The following TNKS2 variants were observed in gnomAD, a reference collection of about 807,000 sequenced individuals.
TNKS2 encodes tankyrase 2.
Under a neutral mutation model 137.6 loss-of-function variants are expected in TNKS2, and 72 were observed. That is an observed-to-expected ratio of 0.52 (90% CI 0.43 to 0.64). TNKS2 has a LOEUF of 0.64. TNKS2 is among the 30% of genes least tolerant of loss of function. The probability of loss-of-function intolerance (pLI) is 0.00; values close to 1 mark genes in which losing one functional copy is unlikely to be tolerated. For synonymous variants in TNKS2, 516 were observed against 512.1 expected (o/e 1.01, Z -0.10); for missense variants, 1,049 against 1,410.2 (o/e 0.74, Z 4.10).
chr10:91,858,512 G>A lies in TNKS2; in HGVS notation c.3095-950G>A, dbSNP rs1169615457. Among the ~76,000 whole-genome samples, 3 of 152,198 alleles carry A rather than the reference G, an allele frequency of 2.0e-5. 1 individual carries two copies. The highest frequency in any genetic ancestry group is 4.1e-4 in the South Asian group (2 of 4,830). On this transcript the variant is annotated intron_variant, in intron 24 of 26. Transcript: ENST00000371627. ...TCCTGTCTGTCTGTGGAAAGGGAATGTGATCTTGATAAATGAATTAGCTGT... is the reference window on the plus strand; with the variant it reads ...TCCTGTCTGTCTGTGGAAAGGGAATATGATCTTGATAAATGAATTAGCTGT...
chr10:91,859,747 C>T lies in TNKS2; in HGVS notation c.3281+99C>T. 4.4e-6 allele frequency: 4 copies of T among 900,826 alleles called. No homozygotes were observed. In the South Asian group the frequency reaches 8.4e-5, roughly 19 times the overall value. The allele number at this position is 900,826 out of a possible 1,614,324, so 55.8% of individuals were successfully genotyped here. A position where few individuals can be genotyped will look rare whatever the true frequency, so the allele number is the denominator to read the frequency against. The stretch of plus-strand genomic sequence containing the variant: ...ATTATGTTGGACAGTCTTAGGAATG[C>T]AAGCTAGGCATGTTTTAGATTGCTT... On this transcript the variant is annotated intron_variant, in intron 25 of 26. Coordinates refer to ENST00000371627, the MANE Select transcript of TNKS2 (RefSeq NM_025235.4).
intron 25 of TNKS2, 63 bp downstream of exon 25, chr10:91,859,711 G>C (rs1842803010): frequency 7.2e-7 from 1 of 1,397,792 alleles, no homozygotes; most frequent in Non-Finnish European, 9.9e-7. Flanking sequence ...TTGCATTTTT[G>C]AGGGCAAAGC....
intron 16 of TNKS2, 39 bp downstream of exon 16, chr10:91,842,430 T>A (rs377631307): frequency 1.5e-5 from 23 of 1,571,954 alleles, no homozygotes; most frequent in Non-Finnish European, 1.9e-5. Context: ...GCTGGTAATA[T>A]CTGAGATTCA....
chr10:91,840,430 GT>G (rs1369927450), intron 13 of TNKS2, 130 bp from the exon 14 acceptor site: 2 of 780,968 alleles, frequency 2.6e-6, no homozygotes, highest in African/African-American at 1.8e-5. Flanking sequence ...ATACTAAATA[GT>G]TTCTGAGAAT....
chr10:91,822,784 C>T (rs1295675622), intron 7 of TNKS2, among the ~76,000 whole-genome samples: 2 of 152,078 alleles, frequency 1.3e-5, no homozygotes, highest in Non-Finnish European at 2.9e-5. Context: ...TCTTGAACTC[C>T]TGACCTCAAG....
At chr10:91,805,661 C>T (rs572710920) in intron 1 of TNKS2, among the ~76,000 whole-genome samples, 4 of 152,300 alleles carry the variant, frequency 2.6e-5, no homozygotes, top group African/African-American at 9.6e-5. Flanking sequence ...GGGAGTTAAC[C>T]TGTGAGTCAC....
At chr10:91,810,259 T>G (rs1844454020) in intron 1 of TNKS2, among the ~76,000 whole-genome samples, 1 of 151,774 alleles carries the variant, frequency 6.6e-6, no homozygotes, top group Non-Finnish European at 1.5e-5. Flanking sequence ...ACACCTGTAG[T>G]CCCAGCTACT....
intron 7 of TNKS2, among the ~76,000 whole-genome samples, chr10:91,823,283 A>G (rs1346990335): frequency 6.6e-6 from 1 of 150,588 alleles, no homozygotes; most frequent in East Asian, 2.0e-4. Context: ...TCCCAAGACT[A>G]GCAAGAAACT....
At chr10:91,821,281 C>T (rs75336739) in intron 6 of TNKS2, among the ~76,000 whole-genome samples, 16,432 of 151,962 alleles carry the variant, frequency 0.11, 980 homozygotes, top group East Asian at 0.19. Flanking sequence ...GATCACCTGG[C>T]TCGGCCTCCC....
intron 18 of TNKS2, among the ~76,000 whole-genome samples, chr10:91,846,694 A>G (rs1287730562): frequency 2.0e-5 from 3 of 152,352 alleles, no homozygotes; most frequent in East Asian, 1.9e-4. Context: ...CCACATTACA[A>G]TAAGAAACTG....
At chr10:91,854,934 T>G in intron 21 of TNKS2, 95 bp from the exon 22 acceptor site, 1 of 606,266 alleles carries the variant, frequency 1.6e-6, no homozygotes, top group South Asian at 2.2e-5. Context: ...AAAAAATTGG[T>G]AGTAAGAATC....
chr10:91,825,892 C>T (rs2421698), intron 7 of TNKS2, among the ~76,000 whole-genome samples: 27,525 of 152,106 alleles, frequency 0.18, 3,572 homozygotes, highest in African/African-American at 0.36. Context: ...GCATAAAGTG[C>T]GATAGCCACA....
At chr10:91,812,915 A>T in intron 1 of TNKS2, 68 bp from the exon 2 acceptor site, 1 of 1,563,178 alleles carries the variant, frequency 6.4e-7, no homozygotes, top group Non-Finnish European at 8.7e-7. Context: ...TTTAGTATGG[A>T]TGGTACTTAT....
intron 1 of TNKS2, among the ~76,000 whole-genome samples, chr10:91,802,121 T>C (rs1470441904): frequency 6.6e-6 from 1 of 152,214 alleles, no homozygotes; most frequent in East Asian, 1.9e-4. Context: ...TAGTATGTTA[T>C]GTTACTGTTA....
At chr10:91,819,439 C>A in intron 4 of TNKS2, 43 bp from the exon 5 acceptor site, 2 of 1,496,966 alleles carry the variant, frequency 1.3e-6, no homozygotes, top group Non-Finnish European at 1.8e-6. Context: ...TGAGGAACAT[C>A]TGATGAAGAA....
rs1376070138 is a variant in TNKS2, at chr10:91,817,223, C to T, written c.514C>T (p.Leu172Phe). The T allele has an allele frequency of 6.2e-7, 1 of 1,611,940 alleles. No homozygotes were observed. The highest frequency in any genetic ancestry group is 8.5e-7 in the Non-Finnish European group (1 of 1,178,690). Residue 172 changes from leucine (L) to phenylalanine (F), a missense_variant, in exon 3 of 27, where the codon CTT becomes TTT. Physicochemically the swap from Leu to Phe is conservative, Grantham distance 22. Around this residue, in one of 6 missense-constraint regions of TNKS2, gnomAD observed 374 missense variants for 460.8 expected, o/e 0.81. Transcript: ENST00000371627. ...AGCAGATCCATCTGCCAAAGCAGTG[C>T]TTACTGGTAAGTCTGTATACTCTGG... is the stretch of plus-strand genomic sequence containing the variant. ...DLADPSAKAV[L>F]TGEYKKDELL...
intron 1 of TNKS2, among the ~76,000 whole-genome samples, chr10:91,811,067 G>C (rs954257800): frequency 6.6e-6 from 1 of 150,550 alleles, no homozygotes; most frequent in Non-Finnish European, 1.5e-5. Context: ...TGGGATTACA[G>C]GCACGCGCCA....
intron 9 of TNKS2, 118 bp downstream of exon 9, chr10:91,828,524 C>G (rs1589666219): frequency 9.4e-7 from 1 of 1,067,166 alleles, no homozygotes; most frequent in East Asian, 3.1e-5. Flanking sequence ...AAAATTACTG[C>G]CTATGCAAAT....
chr10:91,838,258 G>A (rs1842094387), intron 13 of TNKS2, among the ~76,000 whole-genome samples: 1 of 151,972 alleles, frequency 6.6e-6, no homozygotes, highest in South Asian at 2.1e-4. Context: ...AGGGAACACA[G>A]TAATGCCATT....
Sources: allele counts gnomAD v4.1 joint callset (sites outside exome capture counted in the v4.1 genomes callset), GRCh38; gene constraint gnomAD v4.1.1; regional missense constraint gnomAD v4.1.1; transcripts MANE v1.5; gene names NCBI Gene and HGNC (gene_info 2026-07-23, HGNC 2026-07-21).